The following ZNF274 variants were observed in gnomAD, a reference collection of about 807,000 sequenced individuals.
The protein encoded by ZNF274 is zinc finger protein 274, also known as neurotrophin receptor-interacting factor homolog.
ZNF274 carries 23 observed loss-of-function variants against 42.5 expected under a neutral mutation model. That is an observed-to-expected ratio of 0.54 (90% CI 0.39 to 0.77). The LOEUF is 0.77. Ranked by LOEUF, ZNF274 falls within the 30% of genes least tolerant of loss-of-function variation. The probability of loss-of-function intolerance (pLI) is 0.00; values close to 1 mark genes in which losing one functional copy is unlikely to be tolerated. For missense variants in ZNF274, 679 were observed against 806.5 expected, an observed-to-expected ratio of 0.84 and a Z score of 1.91; for synonymous variants, 292 against 305.4, an observed-to-expected ratio of 0.96 and a Z score of 0.46.
rs1209719847 is a variant in ZNF274 at position 58,183,930 on chromosome 19, C to T, written c.-36C>T. The T allele has an allele frequency of 6.3e-7, 1 of 1,581,640 alleles. No homozygotes were observed. Among genetic ancestry groups the T allele is most frequent in the Admixed American group, 1.8e-5 (1 of 54,704 alleles). ...ACTTCGGTTTCCTCAGGACTCTGCC[C>T]ACTTCCACCAGAGACACATTGAGAA... On this transcript the variant is annotated 5_prime_UTR_variant, in exon 2 of 8. Transcript: ENST00000617501.
At chr19:58,192,229 T>C (rs2075785996) in intron 4 of ZNF274, among the ~76,000 whole-genome samples, 1 of 152,086 alleles carries the variant, frequency 6.6e-6, no homozygotes, top group South Asian at 2.1e-4. Flanking sequence ...GTAGGTAAAA[T>C]GAAGGGATGT....
At position 58,207,871 on chromosome 19, in the gene ZNF274, C is replaced by G. The variant is rs1412333421; in HGVS notation, c.739+669C>G. Among the ~76,000 whole-genome samples the G allele has an allele frequency of 1.3e-5, 2 of 152,206 alleles. No homozygotes were observed. Among genetic ancestry groups the G allele is most frequent in the African/African-American group, 4.8e-5 (2 of 41,444 alleles). The stretch of plus-strand genomic sequence containing the variant: ...ACAGTAGGGCTCGATCCCTGAGTTC[C>G]AGAAACTGGTGGCACCACTGGATTT... On this transcript the variant is annotated intron_variant, in intron 5 of 7. Coordinates refer to ENST00000617501, the MANE Select transcript of ZNF274 (RefSeq NM_133502.3). This position sits in a 1 kb window ranked among gnomAD's most constrained non-coding sequence, Gnocchi z 5.6.
At chr19:58,200,597 T>C (rs141248527) in intron 4 of ZNF274, among the ~76,000 whole-genome samples, 3 of 148,324 alleles carry the variant, frequency 2.0e-5, no homozygotes, top group Admixed American at 6.6e-5. Flanking sequence ...TTGGGGAAGG[T>C]GAACCAGGCG....
chr19:58,212,600 T>C lies in ZNF274; in HGVS notation c.1419T>C (p.Cys473=). 6.2e-7 allele frequency: 1 copy of C among 1,613,970 alleles called. No individual in the cohort carries two copies. Among genetic ancestry groups the C allele is most frequent in the Middle Eastern group, 1.6e-4 (1 of 6,062 alleles). Residue 473 remains cysteine (C), a synonymous_variant, in exon 8 of 8, where the codon TGT becomes TGC. Transcript: ENST00000617501. The surrounding 1 kb of genome is among the most constrained non-coding windows in gnomAD (Gnocchi z 4.6). Reference sequence around the variant, plus strand: ...GTGTAAAAATTCATCAGAAGAGCTGTGAAAGGCAAAAGGCCAAGGAAGGCA... The same window carrying C: ...GTGTAAAAATTCATCAGAAGAGCTGCGAAAGGCAAAAGGCCAAGGAAGGCA... The part of the protein sequence containing the change: ...NSRVKIHQKS[C]ERQKAKEGNG...
intron 4 of ZNF274, among the ~76,000 whole-genome samples, chr19:58,201,917 G>A (rs1568706828): frequency 1.3e-5 from 2 of 152,220 alleles, no homozygotes; most frequent in African/African-American, 4.8e-5. Flanking sequence ...ACGTAAAGAT[G>A]ATCAGCAGCC....
chr19:58,187,142 G>T, intron 4 of ZNF274, 100 bp downstream of exon 4: 1 of 1,022,300 alleles, frequency 9.8e-7, no homozygotes, highest in Non-Finnish European at 1.5e-6. Context: ...TACCCCAGGT[G>T]GGATGCTGTG....
At chr19:58,209,715 T>G in intron 5 of ZNF274, 1 of 377,642 alleles carries the variant, frequency 2.6e-6, no homozygotes, top group Non-Finnish European at 4.9e-6. Context: ...GTCTCAGCAG[T>G]GAGGACACTG....
chr19:58,196,315 C>T (rs1361223873), intron 4 of ZNF274, among the ~76,000 whole-genome samples: 1 of 152,220 alleles, frequency 6.6e-6, no homozygotes, highest in Admixed American at 6.5e-5. Context: ...AATTGCAGCA[C>T]TTTGAGAGGC....
chr19:58,188,676 G>GTGTGTATA (rs1555816861), intron 4 of ZNF274, among the ~76,000 whole-genome samples: 2 of 79,770 alleles, frequency 2.5e-5, no homozygotes, highest in Admixed American at 1.7e-4. Flanking sequence ...GTGTGTGTGT[G>GTGTGTATA]TATATATATA....
intron 4 of ZNF274, among the ~76,000 whole-genome samples, chr19:58,199,690 C>G (rs996211251): frequency 8.5e-5 from 13 of 152,200 alleles, no homozygotes; most frequent in Admixed American, 3.9e-4. Flanking sequence ...TCCAGCCTGG[C>G]TTATGGTGCG....
At position 58,208,912 on chromosome 19, in the gene ZNF274, C is replaced by T. The variant is rs2076007700; in HGVS notation, c.740-1049C>T. ...AGGGGTGAATAAAATAAATTAGTGC[C>T]ACAGAAGACAATGGGAAGAGGCTTT... On this transcript the variant is annotated intron_variant, in intron 5 of 7. Transcript: ENST00000617501. The surrounding 1 kb of genome is among the most constrained non-coding windows in gnomAD (Gnocchi z 4.5). 2 of 152,166 alleles carry T rather than the reference C, an allele frequency of 1.3e-5. No individual in the cohort carries two copies. The highest frequency in any genetic ancestry group is 1.3e-4 in the Admixed American group (2 of 15,274). 9.4% of individuals were successfully genotyped at this position (152,166 alleles called of 1,614,324 possible).
At position 58,185,853 on chromosome 19, in the gene ZNF274, C is replaced by A; in HGVS notation, c.160+15C>A. 7.3e-7 allele frequency: 1 copy of A among 1,360,852 alleles called. No homozygotes were observed. Among genetic ancestry groups the A allele is most frequent in the South Asian group, 2.2e-5 (1 of 45,070 alleles). 84.3% of individuals were successfully genotyped at this position (1,360,852 alleles called of 1,614,324 possible). A position where few individuals can be genotyped will look rare whatever the true frequency, so the allele number is the denominator to read the frequency against. ...GGTCTCAGTGGGTAAGGCTGGCCTC[C>A]AGGTCAAGAAGGATCTGTGCTTTGT... On this transcript the variant is annotated intron_variant, in intron 3 of 7. Coordinates refer to ENST00000617501, the MANE Select transcript of ZNF274 (RefSeq NM_133502.3).
intron 4 of ZNF274, among the ~76,000 whole-genome samples, chr19:58,195,178 CA>C (rs1413402513): frequency 6.8e-6 from 1 of 147,260 alleles, no homozygotes; most frequent in Non-Finnish European, 1.5e-5. Context: ...AGCCTGGCGA[CA>C]GAGTGAGACT....
chr19:58,207,085 C>T lies in ZNF274; in HGVS notation c.622C>T (p.Gln208Ter). Reference protein sequence around the residue: ...EQILELLVLEQFLGALPVKLR... With the variant: ...EQILELLVLE The stretch of plus-strand genomic sequence containing the variant: ...GATCCTGGAGCTGCTGGTGCTGGAG[C>T]AGTTCCTAGGTGCACTGCCTGTGAA... Residue 208 changes from glutamine (Q) to a stop codon, truncating the protein, a stop_gained, in exon 5 of 8, where the codon CAG becomes TAG. Transcript: ENST00000617501. LOFTEE classifies it high-confidence loss of function. This position sits in a 1 kb window ranked among gnomAD's most constrained non-coding sequence, Gnocchi z 5.6. The T allele has an allele frequency of 6.2e-7, 1 of 1,613,846 alleles. No homozygotes were observed. The highest frequency in any genetic ancestry group is 8.5e-7 in the Non-Finnish European group (1 of 1,179,930).
At chr19:58,209,298 TG>T (rs1311200935) in intron 5 of ZNF274, 17 of 152,388 alleles carry the variant, frequency 1.1e-4, no homozygotes, top group Admixed American at 4.6e-4. Context: ...GAGAAAGGGA[TG>T]GTCCAGTGTG....
At chr19:58,192,372 G>A (rs1465823805) in intron 4 of ZNF274, among the ~76,000 whole-genome samples, 1 of 152,196 alleles carries the variant, frequency 6.6e-6, no homozygotes, top group Non-Finnish European at 1.5e-5. Flanking sequence ...TGGCCTGAGA[G>A]TAACAGCACA....
intron 4 of ZNF274, among the ~76,000 whole-genome samples, chr19:58,205,088 A>C (rs1342093628): frequency 6.6e-6 from 1 of 152,142 alleles, no homozygotes; most frequent in Non-Finnish European, 1.5e-5. Flanking sequence ...TTGTGTTTTT[A>C]TTCATTCCTT....
At chr19:58,206,618 A>G in intron 4 of ZNF274, 102 bp from the exon 5 acceptor site, 1 of 1,362,454 alleles carries the variant, frequency 7.3e-7, no homozygotes, top group South Asian at 1.5e-5. Context: ...TTTGAAGCAT[A>G]TTCCACTGTG....
At chr19:58,202,897 T>C (rs2075930313) in intron 4 of ZNF274, among the ~76,000 whole-genome samples, 1 of 152,092 alleles carries the variant, frequency 6.6e-6, no homozygotes, top group Non-Finnish European at 1.5e-5. Flanking sequence ...ATGCAAAAGG[T>C]GCTTTATGAT....
Sources: allele counts gnomAD v4.1 joint callset (sites outside exome capture counted in the v4.1 genomes callset), GRCh38; gene constraint gnomAD v4.1.1; non-coding constraint Gnocchi (gnomAD v3.1); transcripts MANE v1.5; gene names NCBI Gene and HGNC (gene_info 2026-07-23, HGNC 2026-07-21).